Variants in DCP1B observed in about 807,000 individuals in gnomAD.
The protein encoded by DCP1B is mRNA-decapping enzyme 1B.
In DCP1B, 47 loss-of-function variants were observed where a neutral mutation model predicts 60.5. That is an observed-to-expected ratio of 0.78 (90% confidence interval 0.61 to 0.99). DCP1B has a LOEUF of 0.99. Ranked by LOEUF, DCP1B falls within the 50% of genes least tolerant of loss-of-function variation. The pLI is 0.00. For missense variants in DCP1B, 725 were observed against 756.8 expected (o/e 0.96, Z 0.49); for synonymous variants, 267 against 280.3 (o/e 0.95, Z 0.47).
chr12:1,951,908 G>A (rs552463409), intron 7 of DCP1B, among the ~76,000 whole-genome samples: 2 of 152,248 alleles, frequency 1.3e-5, no homozygotes, highest in African/African-American at 4.8e-5. Flanking sequence ...CAAAAATTAC[G>A]GTTTTCTCCC....
At chr12:1,991,280 A>C in intron 3 of DCP1B, 1 of 454,934 alleles carries the variant, frequency 2.2e-6, no homozygotes, top group Non-Finnish European at 4.4e-6. Flanking sequence ...CTACTCCACA[A>C]AATTGTGATT....
At chr12:1,954,617 A>G (rs2030811435) in intron 6 of DCP1B, among the ~76,000 whole-genome samples, 1 of 152,080 alleles carries the variant, frequency 6.6e-6, no homozygotes, top group South Asian at 2.1e-4. Context: ...ACAAGTCATC[A>G]TATCTGAAGA....
downstream of DCP1B, among the ~76,000 whole-genome samples, chr12:1,944,858 C>T (rs2030368542): frequency 6.6e-6 from 1 of 152,174 alleles, no homozygotes; most frequent in South Asian, 2.1e-4. Flanking sequence ...CAATACCGTT[C>T]AGGACATAGG....
chr12:2,000,259 A>G (rs1684706889), intron 1 of DCP1B, among the ~76,000 whole-genome samples: 1 of 152,234 alleles, frequency 6.6e-6, no homozygotes, highest in Admixed American at 6.5e-5. Flanking sequence ...GATACAGGTG[A>G]TAGAACTAGG....
intron 1 of DCP1B, among the ~76,000 whole-genome samples, chr12:2,000,831 G>A (rs1246812201): frequency 6.6e-6 from 1 of 152,218 alleles, no homozygotes; most frequent in East Asian, 1.9e-4. Context: ...GAGGTCAGGA[G>A]TTCAAGACCA....
chr12:1,963,314 T>C (rs1054930544), intron 5 of DCP1B, among the ~76,000 whole-genome samples: 1 of 152,214 alleles, frequency 6.6e-6, no homozygotes, highest in African/African-American at 2.4e-5. Context: ...TTAAGTTCTA[T>C]TATTCTCTCC....
At chr12:1,983,225 G>GC (rs71057812) in intron 3 of DCP1B, among the ~76,000 whole-genome samples, 1 of 150,812 alleles carries the variant, frequency 6.6e-6, no homozygotes. Context: ...TCTCTAAACA[G>GC]TTTTTTTGTT....
intron 2 of DCP1B, among the ~76,000 whole-genome samples, chr12:1,996,345 T>C (rs1302315382): frequency 6.6e-6 from 1 of 152,088 alleles, no homozygotes; most frequent in Non-Finnish European, 1.5e-5. Context: ...TGCTAACTAC[T>C]ATAAACCAGT....
intron 7 of DCP1B, 148 bp from the exon 8 acceptor site, chr12:1,949,482 A>T (rs2030576652): frequency 9.0e-7 from 1 of 1,114,964 alleles, no homozygotes. Flanking sequence ...TTCTTGCTCC[A>T]CTGCTCCATG....
At chr12:1,950,078 AG>A (rs150075993) in intron 7 of DCP1B, 6,949 of 496,242 alleles carry the variant, frequency 0.014, 396 homozygotes, top group African/African-American at 0.12. Flanking sequence ...CTTCTAACTC[AG>A]GGAAGAAAAA....
At chr12:1,958,098 C>T (rs2030959174) in intron 5 of DCP1B, among the ~76,000 whole-genome samples, 1 of 150,356 alleles carries the variant, frequency 6.7e-6, no homozygotes, top group South Asian at 2.1e-4. Flanking sequence ...TTCTATGAAC[C>T]TCCTGGAAGG....
chr12:1,956,697 G>A (rs2030897661), intron 5 of DCP1B, among the ~76,000 whole-genome samples: 1 of 152,174 alleles, frequency 6.6e-6, no homozygotes, highest in South Asian at 2.1e-4. Flanking sequence ...TGGCGGCATG[G>A]ACCAACTGGC....
downstream of DCP1B, among the ~76,000 whole-genome samples, chr12:1,942,391 A>T (rs954142797): frequency 1.3e-5 from 2 of 152,228 alleles, no homozygotes; most frequent in Admixed American, 6.5e-5. Context: ...ATGAGACGGA[A>T]AATTAACAAG....
In DCP1B at chr12:1,987,028, T is replaced by C. The variant is rs558316190; in HGVS notation, c.319+6236A>G. The stretch of plus-strand genomic sequence containing the variant: ...TGGGGATAGAACGAAGGAGAGAAGC[T>C]ACAGAACCACTCCAGAATTAAGAAA... On this transcript the variant is annotated intron_variant, in intron 3 of 8. Transcript: ENST00000280665. Among the ~76,000 whole-genome samples, 16 of 152,270 alleles carry C rather than the reference T, an allele frequency of 1.1e-4. No individual in the cohort carries two copies. In the East Asian group the frequency reaches 1.3e-3, roughly 13 times the overall value.
chr12:1,942,864 C>A (rs2154456043), downstream of DCP1B, among the ~76,000 whole-genome samples: 1 of 152,250 alleles, frequency 6.6e-6, no homozygotes, highest in Middle Eastern at 3.4e-3. Flanking sequence ...AAAATTGACA[C>A]CCTAACATCA....
At chr12:1,972,419 T>TAG (rs2032690964) in intron 3 of DCP1B, among the ~76,000 whole-genome samples, 1 of 152,226 alleles carries the variant, frequency 6.6e-6, no homozygotes, top group Non-Finnish European at 1.5e-5. Context: ...TGATGACTCG[T>TAG]TACTAGCATA....
At chr12:1,959,730 C>T (rs747003002) in intron 5 of DCP1B, among the ~76,000 whole-genome samples, 2 of 152,092 alleles carry the variant, frequency 1.3e-5, no homozygotes, top group Non-Finnish European at 2.9e-5. Flanking sequence ...GAGGCTGAGG[C>T]GGGCGGATCA....
At chr12:1,981,838 G>C (rs2036228171) in intron 3 of DCP1B, among the ~76,000 whole-genome samples, 1 of 152,216 alleles carries the variant, frequency 6.6e-6, no homozygotes, top group Admixed American at 6.5e-5. Context: ...ATCTGGTAGA[G>C]ATTGGTCAGA....
At chr12:2,001,874 G>A (rs781418922) in intron 1 of DCP1B, among the ~76,000 whole-genome samples, 2 of 152,116 alleles carry the variant, frequency 1.3e-5, no homozygotes, top group Non-Finnish European at 2.9e-5. Context: ...AACCAAAAAC[G>A]TCTCCAGACA....
Sources: allele counts gnomAD v4.1 joint callset (sites outside exome capture counted in the v4.1 genomes callset), GRCh38; gene constraint gnomAD v4.1.1; transcripts MANE v1.5; gene names NCBI Gene and HGNC (gene_info 2026-07-23, HGNC 2026-07-21).